Variants in CEP162 observed in about 807,000 individuals in gnomAD.
CEP162 encodes centrosomal protein 162, also known as centrosomal protein of 162 kDa.
CEP162 carries 141 observed loss-of-function variants against 169.2 expected under a neutral mutation model. That is an observed-to-expected ratio of 0.83 (90% CI 0.73 to 0.96). The LOEUF is 0.96. Ranked by LOEUF, CEP162 falls within the 40% of genes least tolerant of loss-of-function variation. CEP162 has a pLI of 0.00. For synonymous variants in CEP162, 540 were observed against 526.4 expected, an observed-to-expected ratio of 1.03 and a Z score of -0.35; for missense variants, 1,600 against 1,587.2, an observed-to-expected ratio of 1.01 and a Z score of -0.14.
intron 6 of CEP162, among the ~76,000 whole-genome samples, chr6:84,205,987 A>C (rs1213316291): frequency 6.7e-6 from 1 of 148,722 alleles, no homozygotes; most frequent in Non-Finnish European, 1.5e-5. Context: ...AAAGAGAATA[A>C]AATACCTAGG....
chr6:84,165,668 A>T (rs991975256), intron 18 of CEP162, among the ~76,000 whole-genome samples: 1 of 152,170 alleles, frequency 6.6e-6, no homozygotes, highest in African/African-American at 2.4e-5. Flanking sequence ...AATGTACGCT[A>T]AACTGAACCT....
intron 6 of CEP162, among the ~76,000 whole-genome samples, chr6:84,205,462 C>G (rs903278593): frequency 3.3e-5 from 5 of 152,124 alleles, no homozygotes; most frequent in African/African-American, 4.8e-5. Flanking sequence ...GAGCCAAAAA[C>G]AAAAACCACA....
chr6:84,198,426 T>C (rs1395704372), intron 9 of CEP162, among the ~76,000 whole-genome samples: 2 of 152,106 alleles, frequency 1.3e-5, no homozygotes, highest in Admixed American at 6.6e-5. Context: ...TACAGGCATG[T>C]GCCACCACAC....
At chr6:84,134,815 A>C (rs1023233139) in intron 25 of CEP162, among the ~76,000 whole-genome samples, 2 of 152,062 alleles carry the variant, frequency 1.3e-5, no homozygotes, top group East Asian at 3.9e-4. Context: ...CCTCCCCCCC[A>C]CAGATTAAAC....
chr6:84,192,555 A>T (rs2099540369), intron 11 of CEP162, among the ~76,000 whole-genome samples: 1 of 152,190 alleles, frequency 6.6e-6, no homozygotes, highest in Admixed American at 6.5e-5. Flanking sequence ...TTTTTTTCTC[A>T]ACTCACACAA....
chr6:84,209,036 A>AGG (rs1194265544), intron 6 of CEP162, among the ~76,000 whole-genome samples: 1 of 152,200 alleles, frequency 6.6e-6, no homozygotes, highest in Non-Finnish European at 1.5e-5. Context: ...AACTAATAGG[A>AGG]GGCGCTGTGG....
chr6:84,171,654 C>A lies in CEP162; in HGVS notation c.2231G>T (p.Arg744Leu). ...TAAACTTTGGTTTTCCTTAAACATTCGCTCCTCATTTTTCTTGTTTTGTTC... is the reference window on the plus strand; with the variant it reads ...TAAACTTTGGTTTTCCTTAAACATTAGCTCCTCATTTTTCTTGTTTTGTTC... ...LQEQNKKNEERMFKENQSLFS... is the reference protein window; with the variant it reads ...LQEQNKKNEELMFKENQSLFS... Residue 744 changes from arginine to leucine, a missense_variant, in exon 17 of 27, where the codon CGA becomes CTA. Arg to Leu is a moderately radical substitution (Grantham distance 102). Transcript: ENST00000403245. 6.4e-7 allele frequency: 1 copy of A among 1,552,880 alleles called. No homozygotes were observed. The highest frequency in any genetic ancestry group is 8.7e-7 in the Non-Finnish European group (1 of 1,151,036).
At position 84,152,759 on chromosome 6, in the gene CEP162, C is replaced by T. The variant is rs1306389596; in HGVS notation, c.3415G>A (p.Val1139Ile). Reference sequence around the variant, plus strand: ...GCATTTCCTTTACTTGAGTGCAAAACATCTTTCTTTGCCCTTTTGGCAGAC... The same window carrying T: ...GCATTTCCTTTACTTGAGTGCAAAATATCTTTCTTTGCCCTTTTGGCAGAC... ...EMSAKRAKKD[V>I]LHSSKGNANS... is the part of the protein sequence containing the mutation. Residue 1139 changes from valine (V) to isoleucine (I), a missense_variant, in exon 23 of 27, where the codon GTT (valine) becomes ATT (isoleucine). Coordinates refer to ENST00000403245, the MANE Select transcript of CEP162 (RefSeq NM_014895.4). 1.1e-5 allele frequency: 17 copies of T among 1,613,376 alleles called. No individual in the cohort carries two copies. Among genetic ancestry groups the T allele is most frequent in the East Asian group, 8.9e-5 (4 of 44,834 alleles).
chr6:84,169,732 G>C (rs984033225), intron 17 of CEP162, among the ~76,000 whole-genome samples: 2 of 152,062 alleles, frequency 1.3e-5, no homozygotes, highest in Admixed American at 1.3e-4. Flanking sequence ...CGTCTACAAA[G>C]ATGCGCTGCA....
chr6:84,129,720 TG>T (rs1400322371), intron 25 of CEP162, among the ~76,000 whole-genome samples: 1 of 152,112 alleles, frequency 6.6e-6, no homozygotes, highest in Non-Finnish European at 1.5e-5. Flanking sequence ...CTGCTTTTGG[TG>T]TTTTAGTCAT....
Position 84,186,542 on chromosome 6 carries a change from T to C in CEP162, c.1191A>G (p.Gln397=), listed in dbSNP as rs145007805. 1.4e-5 allele frequency: 22 copies of C among 1,612,886 alleles called. No homozygotes were observed. The African/African-American group carries it at 2.5e-4, about 19-fold the overall frequency. ...AAAAAAGGTTCACATGTTGTGAGTC[T>C]TGAGACAAAATATTTGGGTTCATCT... ...PLKMNPNILS[Q]DSQHVNLFFD... Residue 397 remains glutamine, a synonymous_variant, in exon 12 of 27, where the codon CAA becomes CAG. Coordinates refer to ENST00000403245, the MANE Select transcript of CEP162 (RefSeq NM_014895.4).
intron 26 of CEP162, 45 bp from the exon 27 acceptor site, chr6:84,125,321 T>C (rs2099508487): frequency 3.3e-6 from 5 of 1,526,914 alleles, no homozygotes; most frequent in Non-Finnish European, 4.5e-6. Flanking sequence ...TTCATAGTGG[T>C]GGGTGAGGAA....
At chr6:84,176,747 C>G (rs1321117865) in intron 13 of CEP162, among the ~76,000 whole-genome samples, 4 of 152,234 alleles carry the variant, frequency 2.6e-5, no homozygotes, top group Admixed American at 6.5e-5. Flanking sequence ...TGGTCCCAGG[C>G]TTTTTGGATA....
rs2099536677 is a variant in CEP162, at chr6:84,185,341, C to T, written c.1509G>A (p.Gln503=). ...TCCTAACTGACGCATATAATCCACTCTGGGGTTTCCTTTTAAGTAAAGGAG... is the reference window on the plus strand; with the variant it reads ...TCCTAACTGACGCATATAATCCACTTTGGGGTTTCCTTTTAAGTAAAGGAG... ...SAPPLLKRKP[Q]SGLYASVRSS... is the part of the protein sequence containing the mutation. The change falls in exon 13 of 27, where the codon CAG becomes CAA. Residue 503 remains glutamine (Q), a synonymous_variant. Coordinates refer to ENST00000403245, the MANE Select transcript of CEP162 (RefSeq NM_014895.4). 1 of 1,613,538 alleles carries T rather than the reference C, an allele frequency of 6.2e-7. No homozygotes were observed.
intron 25 of CEP162, among the ~76,000 whole-genome samples, chr6:84,141,207 A>G (rs1289812989): frequency 6.6e-6 from 1 of 152,130 alleles, no homozygotes; most frequent in Non-Finnish European, 1.5e-5. Context: ...GAATCACATT[A>G]AAATGGGTAT....
intron 24 of CEP162, among the ~76,000 whole-genome samples, chr6:84,148,583 AT>A (rs1372381498): frequency 6.6e-6 from 1 of 152,118 alleles, no homozygotes; most frequent in Non-Finnish European, 1.5e-5. Flanking sequence ...AAACCATAAC[AT>A]TTTATACCTA....
chr6:84,134,182 C>G (rs1299556489), intron 25 of CEP162, among the ~76,000 whole-genome samples: 2 of 152,158 alleles, frequency 1.3e-5, no homozygotes, highest in East Asian at 3.9e-4. Flanking sequence ...TTACTCAAGC[C>G]TCAGTAATGG....
At position 84,166,108 on chromosome 6, in the gene CEP162, G is replaced by A. The variant is rs1227573130; in HGVS notation, c.2386-2838C>T. Among the ~76,000 whole-genome samples the A allele has an allele frequency of 2.0e-5, 3 of 152,184 alleles. No individual in the cohort carries two copies. The East Asian group carries it at 5.8e-4, about 29-fold the overall frequency. On this transcript the variant is annotated intron_variant, in intron 18 of 26. Coordinates refer to ENST00000403245, the MANE Select transcript of CEP162 (RefSeq NM_014895.4). ...TTGCATATTTCCAGGGACAGAGAAT[G>A]CCTACCTTCAAGAAAGTGAGTATGC...
chr6:84,150,622 A>G (rs1482154086), intron 23 of CEP162, among the ~76,000 whole-genome samples: 1 of 152,162 alleles, frequency 6.6e-6, no homozygotes, highest in Non-Finnish European at 1.5e-5. Context: ...TCAGGCCCAG[A>G]CTTATCTAAG....
Sources: allele counts gnomAD v4.1 joint callset (sites outside exome capture counted in the v4.1 genomes callset), GRCh38; gene constraint gnomAD v4.1.1; transcripts MANE v1.5; gene names NCBI Gene and HGNC (gene_info 2026-07-23, HGNC 2026-07-21).